Variants in SH2B2 observed in about 807,000 individuals in gnomAD.
SH2B2 encodes the protein SH2B adaptor protein 2.
SH2B2 carries 37 observed loss-of-function variants against 35.7 expected under a neutral mutation model. That is an observed-to-expected ratio of 1.04 (90% CI 0.80 to 1.36). The LOEUF (loss-of-function observed/expected upper bound fraction) is 1.36. Ranked by LOEUF, SH2B2 falls within the 40% of genes most tolerant of loss-of-function variation. The probability of loss-of-function intolerance (pLI) is 0.00; values close to 1 mark genes in which losing one functional copy is unlikely to be tolerated. For missense variants in SH2B2, 852 were observed against 817.7 expected, an observed-to-expected ratio of 1.04 and a Z score of -0.51; for synonymous variants, 383 against 376.4, an observed-to-expected ratio of 1.02 and a Z score of -0.20.
chr7:102,291,256 G>GC (rs1434776396), intron 1 of SH2B2, among the ~76,000 whole-genome samples: 1 of 152,220 alleles, frequency 6.6e-6, no homozygotes, highest in Non-Finnish European at 1.5e-5. Context: ...AAGCCGGGGG[G>GC]CTCAGCAGAA....
In SH2B2 at chr7:102,320,346, C is replaced by T. The variant is rs981887636; in HGVS notation, c.1411C>T (p.Leu471=). ...QGKAKHLRLS[L]NGHGQCHVQH... ...GTACCCACAGCACCTGCGCCTGTCCCTGAACGGCCACGGCCAGTGTCACGT... is the reference window on the plus strand; with the variant it reads ...GTACCCACAGCACCTGCGCCTGTCCTTGAACGGCCACGGCCAGTGTCACGT... The change falls in exon 8 of 9, where the codon CTG becomes TTG. Residue 471 remains leucine (L), a synonymous_variant. Coordinates refer to ENST00000444095, the MANE Select transcript of SH2B2 (RefSeq NM_001359228.2). 6.2e-7 allele frequency: 1 copy of T among 1,611,862 alleles called. No homozygotes were observed. Among genetic ancestry groups the T allele is most frequent in the Admixed American group, 1.7e-5 (1 of 60,018 alleles).
chr7:102,315,239 TCACACC>T (rs1195660563), intron 6 of SH2B2, among the ~76,000 whole-genome samples: 4 of 151,840 alleles, frequency 2.6e-5, no homozygotes, highest in African/African-American at 9.7e-5. Flanking sequence ...GTGCAGTGTC[TCACACC>T]TGTAATCCCA....
intron 8 of SH2B2, among the ~76,000 whole-genome samples, chr7:102,320,948 C>T (rs9691648): frequency 6.6e-6 from 1 of 151,264 alleles, no homozygotes; most frequent in Non-Finnish European, 1.5e-5. Flanking sequence ...TGCATGTGCC[C>T]GTGTGCGTAC....
At position 102,321,469 on chromosome 7, in the gene SH2B2, C is replaced by T. The variant is rs1337770159; in HGVS notation, c.1738C>T (p.Pro580Ser). 35 of 1,198,620 alleles carry T rather than the reference C, an allele frequency of 2.9e-5. No homozygotes were observed. The highest frequency in any genetic ancestry group is 4.6e-5 in the Admixed American group (1 of 21,592). The allele number at this position is 1,198,620 out of a possible 1,614,324, so 74.2% of individuals were successfully genotyped here. The change falls in exon 9 of 9, where the codon CCC becomes TCC. Residue 580 changes from proline (P) to serine (S), a missense_variant. Transcript: ENST00000444095. ...SASSSSAASG[P>S]APPRPVEGQL... ...CTCGTCGTCCTCTGCCGCGTCGGGGCCCGCCCCCCCGCGCCCCGTCGAGGG... is the reference window on the plus strand; with the variant it reads ...CTCGTCGTCCTCTGCCGCGTCGGGGTCCGCCCCCCCGCGCCCCGTCGAGGG...
intron 2 of SH2B2, among the ~76,000 whole-genome samples, chr7:102,305,180 G>C (rs1793342359): frequency 6.6e-6 from 1 of 152,228 alleles, no homozygotes; most frequent in Admixed American, 6.5e-5. Flanking sequence ...TGCTCTGGAA[G>C]GTCGGGTCTG....
At chr7:102,319,059 G>A (rs376139456) in intron 7 of SH2B2, among the ~76,000 whole-genome samples, 7 of 152,154 alleles carry the variant, frequency 4.6e-5, no homozygotes, top group East Asian at 3.9e-4. Context: ...ACTGCCCCAG[G>A]CCTGATAAGT....
chr7:102,299,146 G>A (rs1468078094), intron 1 of SH2B2, among the ~76,000 whole-genome samples: 2 of 143,152 alleles, frequency 1.4e-5, no homozygotes, highest in African/African-American at 2.6e-5. Flanking sequence ...TGATGCGCCC[G>A]CCTCGGCCTC....
chr7:102,301,308 TG>T, intron 2 of SH2B2, 29 bp downstream of exon 2: 4 of 1,582,304 alleles, frequency 2.5e-6, no homozygotes, highest in East Asian at 2.4e-5. Context: ...CCACCTAGCC[TG>T]GGGGGACCAG....
rs1258903307 is a variant in SH2B2, at chr7:102,297,817, C to G, written c.-29-2705C>G. On this transcript the variant is annotated intron_variant, in intron 1 of 8. Coordinates refer to ENST00000444095, the MANE Select transcript of SH2B2 (RefSeq NM_001359228.2). This position sits in a 1 kb window ranked among gnomAD's most constrained non-coding sequence, Gnocchi z 4.3. ...GGGGGAAGGGGGTGGAGGGGACACACAACCAAGCAACTAAATATATGATAT... is the reference window on the plus strand; with the variant it reads ...GGGGGAAGGGGGTGGAGGGGACACAGAACCAAGCAACTAAATATATGATAT... Among the ~76,000 whole-genome samples, 1 of 152,090 alleles carries G rather than the reference C, an allele frequency of 6.6e-6. No homozygotes were observed. Among genetic ancestry groups the G allele is most frequent in the Non-Finnish European group, 1.5e-5 (1 of 68,038 alleles).
At chr7:102,316,929 G>T (rs546743822) in intron 6 of SH2B2, among the ~76,000 whole-genome samples, 4 of 151,980 alleles carry the variant, frequency 2.6e-5, no homozygotes, top group Non-Finnish European at 5.9e-5. Context: ...TGAGGCAGGA[G>T]AATCGCTTGA....
chr7:102,321,681 A>G lies in SH2B2; in HGVS notation c.*51A>G. The G allele has an allele frequency of 9.2e-7, 1 of 1,085,170 alleles. No individual in the cohort carries two copies. The highest frequency in any genetic ancestry group is 1.1e-6 in the Non-Finnish European group (1 of 892,826). 67.2% of individuals were successfully genotyped at this position (1,085,170 alleles called of 1,614,324 possible). On this transcript the variant is annotated 3_prime_UTR_variant, in exon 9 of 9. Coordinates refer to ENST00000444095, the MANE Select transcript of SH2B2 (RefSeq NM_001359228.2). ...CGCCAAGCTCTTCAGTGAAGACACG[A>G]TGTTATTAAAAGCCTGTTTTAGGGA...
chr7:102,301,145 G>C lies in SH2B2; in HGVS notation c.595G>C (p.Ala199Pro). ...GCTGGTGGACATTCAACGCGAGGGGGCGCTGCGCTTCATGGTGGCCGACGA... is the reference window on the plus strand; with the variant it reads ...GCTGGTGGACATTCAACGCGAGGGGCCGCTGCGCTTCATGGTGGCCGACGA... ...VELVDIQREG[A>P]LRFMVADDAA... Residue 199 changes from alanine (A) to proline (P), a missense_variant, in exon 2 of 9, where the codon GCG becomes CCG. This residue lies in a region of SH2B2 where 556 missense variants were observed against 514.5 expected (regional missense o/e 1.08). Coordinates refer to ENST00000444095, the MANE Select transcript of SH2B2 (RefSeq NM_001359228.2). 4.5e-6 allele frequency: 7 copies of C among 1,547,986 alleles called. No individual in the cohort carries two copies. Among genetic ancestry groups the C allele is most frequent in the Non-Finnish European group, 6.1e-6 (7 of 1,151,382 alleles).
Position 102,301,563 on chromosome 7 carries a change from T to C in SH2B2, c.729+284T>C, listed in dbSNP as rs1218285698. On this transcript the variant is annotated intron_variant, in intron 2 of 8. Coordinates refer to ENST00000444095, the MANE Select transcript of SH2B2 (RefSeq NM_001359228.2). ...GTGTGTGTGTGTGTGTGTGTCCGTG[T>C]GTGTGTGTGTGTGTGTGTGCGCGCG... Among the ~76,000 whole-genome samples, 3 of 134,556 alleles carry C rather than the reference T, an allele frequency of 2.2e-5. No homozygotes were observed. In the East Asian group the frequency reaches 5.9e-4, roughly 26 times the overall value. 88.3% of individuals were successfully genotyped at this position (134,556 alleles called of 152,430 possible).
Position 102,321,447 on chromosome 7 carries a change from G to A in SH2B2, c.1716G>A (p.Ser572=), listed in dbSNP as rs1204682314. 3.1e-6 allele frequency: 4 copies of A among 1,270,728 alleles called. No individual in the cohort carries two copies. Among genetic ancestry groups the A allele is most frequent in the South Asian group, 4.3e-5 (2 of 46,714 alleles). The allele number at this position is 1,270,728 out of a possible 1,614,324, so 78.7% of individuals were successfully genotyped here. A position where few individuals can be genotyped will look rare whatever the true frequency, so the allele number is the denominator to read the frequency against. Residue 572 remains serine (S), a synonymous_variant, in exon 9 of 9, where the codon TCG becomes TCA. Coordinates refer to ENST00000444095, the MANE Select transcript of SH2B2 (RefSeq NM_001359228.2). ...CCGGCGCCTCCTCGTCTTCCGCCTC[G>A]TCGTCCTCTGCCGCGTCGGGGCCCG... ...DAAGASSSSA[S]SSSAASGPAP...
intron 3 of SH2B2, among the ~76,000 whole-genome samples, chr7:102,307,811 C>G (rs1793461996): frequency 1.3e-5 from 2 of 151,738 alleles, no homozygotes; most frequent in African/African-American, 2.4e-5. Flanking sequence ...CACTCTGTCA[C>G]CCAGGTTGGA....
rs542260000 is a variant in SH2B2, at chr7:102,292,998, T to A, written c.-30+5904T>A. 2.0e-3 allele frequency: 299 copies of A among 151,176 alleles called. 1 individual carries two copies. The highest frequency in any genetic ancestry group is 3.2e-3 in the Admixed American group (49 of 15,174). The allele number at this position is 151,176 out of a possible 1,614,324, so 9.4% of individuals were successfully genotyped here. A position where few individuals can be genotyped will look rare whatever the true frequency, so the allele number is the denominator to read the frequency against. The stretch of plus-strand genomic sequence containing the variant: ...TGGCCTCCTGTGGCTGGGATGGTGC[T>A]GGGGAGGAGGTGGGGGGTGCCAGCT... On this transcript the variant is annotated intron_variant, in intron 1 of 8. Coordinates refer to ENST00000444095, the MANE Select transcript of SH2B2 (RefSeq NM_001359228.2).
At chr7:102,317,139 C>A in intron 6 of SH2B2, 48 bp from the exon 7 acceptor site, 1 of 1,430,994 alleles carries the variant, frequency 7.0e-7, no homozygotes, top group Non-Finnish European at 9.6e-7. Flanking sequence ...TTATTTGTCC[C>A]CCTTTCTCCT....
chr7:102,315,745 A>AAAAG (rs1793803155), intron 6 of SH2B2, among the ~76,000 whole-genome samples: 11 of 12,372 alleles, frequency 8.9e-4, no homozygotes, highest in Non-Finnish European at 3.8e-3. Flanking sequence ...CTGTGAAAAG[A>AAAAG]AAAAAAAAAA....
intron 8 of SH2B2, 101 bp downstream of exon 8, chr7:102,320,603 T>A: frequency 7.0e-7 from 1 of 1,428,912 alleles, no homozygotes; most frequent in Non-Finnish European, 9.4e-7. Flanking sequence ...AGGTCTCCTG[T>A]CCCATAGCCT....
Sources: allele counts gnomAD v4.1 joint callset (sites outside exome capture counted in the v4.1 genomes callset), GRCh38; gene constraint gnomAD v4.1.1; regional missense constraint gnomAD v4.1.1; non-coding constraint Gnocchi (gnomAD v3.1); transcripts MANE v1.5; gene names NCBI Gene and HGNC (gene_info 2026-07-23, HGNC 2026-07-21).